Variants in NFIB observed in about 807,000 individuals in gnomAD.
The protein encoded by NFIB is nuclear factor 1 B-type.
NFIB carries 11 observed loss-of-function variants against 61.5 expected under a neutral mutation model. That is an observed-to-expected ratio of 0.18 (90% CI 0.11 to 0.30). The LOEUF is 0.30. NFIB is among the 10% of genes least tolerant of loss of function. The probability of loss-of-function intolerance (pLI) is 1.00; values close to 1 mark genes in which losing one functional copy is unlikely to be tolerated. For synonymous variants in NFIB, 260 were observed against 216.5 expected (o/e 1.20, Z -1.76); for missense variants, 471 against 608.9 (o/e 0.77, Z 2.38).
the NFIB span, among the ~76,000 whole-genome samples, chr9:14,463,316 G>A: frequency 6.6e-6 from 1 of 151,824 alleles, no homozygotes; most frequent in Non-Finnish European, 1.5e-5. Flanking sequence ...TAAAAGAAGA[G>A]TTGGATAAAT....
chr9:14,226,369 G>A (rs995178387), intron 2 of NFIB, among the ~76,000 whole-genome samples: 9 of 152,012 alleles, frequency 5.9e-5, no homozygotes, highest in Middle Eastern at 3.4e-3. Flanking sequence ...AAAACATAGT[G>A]AGATCCCCAT....
intron 1 of NFIB, chr9:14,357,536 C>T (rs759720579): frequency 5.9e-5 from 9 of 152,124 alleles, no homozygotes; most frequent in Non-Finnish European, 1.3e-4. Flanking sequence ...GGTAGTGACC[C>T]AATATTCAAG....
chr9:14,451,827 T>C, the NFIB span, among the ~76,000 whole-genome samples: 1 of 152,294 alleles, frequency 6.6e-6, no homozygotes, highest in South Asian at 2.1e-4. Context: ...TGAATTTTCA[T>C]GAAAATGTTT....
At chr9:14,300,076 A>G (rs754489909) in intron 2 of NFIB, 1 of 397,582 alleles carries the variant, frequency 2.5e-6, no homozygotes, top group Non-Finnish European at 4.4e-6. Context: ...CTGCAGTTTG[A>G]TGATTTATTC....
At chr9:14,531,053 T>C in the NFIB span, among the ~76,000 whole-genome samples, 6 of 152,330 alleles carry the variant, frequency 3.9e-5, no homozygotes, top group South Asian at 1.2e-3. Context: ...GAGACCATTG[T>C]CCACACAACA....
chr9:14,377,649 G>T (rs528521211), intron 1 of NFIB, among the ~76,000 whole-genome samples: 3 of 152,298 alleles, frequency 2.0e-5, no homozygotes, highest in African/African-American at 7.2e-5. Context: ...ATATTTTATT[G>T]TGAAGGTTAT....
chr9:14,127,529 A>G (rs1006542108), intron 6 of NFIB, among the ~76,000 whole-genome samples: 1 of 152,200 alleles, frequency 6.6e-6, no homozygotes, highest in African/African-American at 2.4e-5. Context: ...TTTGCTTCTA[A>G]GTAGTTCAGC....
At chr9:14,433,631 C>A in the NFIB span, among the ~76,000 whole-genome samples, 1 of 152,112 alleles carries the variant, frequency 6.6e-6, no homozygotes, top group African/African-American at 2.4e-5. Context: ...CAAAAGCAAG[C>A]AGACTTGACG....
the NFIB span, among the ~76,000 whole-genome samples, chr9:14,431,213 GA>G: frequency 4.1e-4 from 62 of 152,274 alleles, no homozygotes; most frequent in African/African-American, 1.5e-3. Flanking sequence ...CTTTGTTGAT[GA>G]AAACAACCAT....
At chr9:14,468,486 G>T in the NFIB span, among the ~76,000 whole-genome samples, 1 of 152,200 alleles carries the variant, frequency 6.6e-6, no homozygotes, top group Non-Finnish European at 1.5e-5. Context: ...CCCAGGTTGG[G>T]TAGAGGGGTG....
At chr9:14,333,569 C>G (rs903975387) in intron 1 of NFIB, among the ~76,000 whole-genome samples, 3 of 152,162 alleles carry the variant, frequency 2.0e-5, no homozygotes, top group African/African-American at 7.2e-5. Flanking sequence ...CTGGTCAAAA[C>G]TTAGTCACTG....
rs1319656411 is a variant in NFIB, at chr9:14,087,665, A to G, written c.*644T>C. The stretch of plus-strand genomic sequence containing the variant: ...TGGGTTAAGGGCCGAAATTTAATAA[A>G]TCTGTACTGATAACTAAAGGCTACA... On this transcript the variant is annotated 3_prime_UTR_variant, in exon 11 of 11. Coordinates refer to ENST00000380953, the MANE Select transcript of NFIB (RefSeq NM_001190737.2). The G allele has an allele frequency of 1.8e-5, 4 of 216,720 alleles. No individual in the cohort carries two copies. Among genetic ancestry groups the G allele is most frequent in the African/African-American group, 9.0e-5 (4 of 44,320 alleles). 13.4% of individuals were successfully genotyped at this position (216,720 alleles called of 1,614,324 possible).
At chr9:14,375,216 T>C (rs1171713002) in intron 1 of NFIB, among the ~76,000 whole-genome samples, 1 of 152,226 alleles carries the variant, frequency 6.6e-6, no homozygotes, top group African/African-American at 2.4e-5. Flanking sequence ...CCCTAGGCTC[T>C]TTCTATCTCT....
At chr9:14,209,399 A>C (rs2050081133) in intron 2 of NFIB, among the ~76,000 whole-genome samples, 2 of 152,350 alleles carry the variant, frequency 1.3e-5, no homozygotes, top group African/African-American at 4.8e-5. Flanking sequence ...ATGTGGCTTT[A>C]ATTGTGCATA....
At chr9:14,155,980 C>G (rs1015555792) in intron 3 of NFIB, 87 bp from the exon 4 acceptor site, 1 of 786,962 alleles carries the variant, frequency 1.3e-6, no homozygotes, top group South Asian at 2.4e-5. Context: ...TGTTTTAAAG[C>G]CAATGGTTTG....
At chr9:14,379,311 C>G (rs769154596) in intron 1 of NFIB, among the ~76,000 whole-genome samples, 1 of 152,122 alleles carries the variant, frequency 6.6e-6, no homozygotes, top group Non-Finnish European at 1.5e-5. Context: ...AAAGACAGAG[C>G]TATTGAAAGA....
intron 2 of NFIB, among the ~76,000 whole-genome samples, chr9:14,275,522 T>C (rs148466711): frequency 0.012 from 1,819 of 152,260 alleles, 33 homozygotes; most frequent in African/African-American, 0.041. Flanking sequence ...TAACATCTCC[T>C]GAGTCATCCC....
chr9:14,294,513 C>T (rs1321713403), intron 2 of NFIB, among the ~76,000 whole-genome samples: 1 of 152,174 alleles, frequency 6.6e-6, no homozygotes, highest in Non-Finnish European at 1.5e-5. Flanking sequence ...TGTGGCTGCA[C>T]TTTGTTTCAT....
chr9:14,431,633 G>GTTTTT, the NFIB span, among the ~76,000 whole-genome samples: 8 of 127,902 alleles, frequency 6.3e-5, no homozygotes, highest in Non-Finnish European at 8.8e-5. Flanking sequence ...TTTTTGTTTT[G>GTTTTT]TTTTTTTTTT....
Sources: allele counts gnomAD v4.1 joint callset (sites outside exome capture counted in the v4.1 genomes callset), GRCh38; gene constraint gnomAD v4.1.1; transcripts MANE v1.5; gene names NCBI Gene and HGNC (gene_info 2026-07-23, HGNC 2026-07-21).